The following MYO18B variants were observed in gnomAD, a reference collection of about 807,000 sequenced individuals.
MYO18B encodes myosin XVIIIB.
A neutral mutation model predicts 273.0 loss-of-function variants in MYO18B; 204 were observed. The ratio of observed to expected loss-of-function variants is 0.75; its 90% CI spans 0.67 to 0.84. The LOEUF (loss-of-function observed/expected upper bound fraction) is 0.84, where lower values mean the gene tolerates loss of function less well. Among genes scored for constraint, MYO18B ranks in the 40% least tolerant of loss-of-function variants. The pLI, the probability that MYO18B is intolerant of heterozygous loss-of-function variation, is 0.00. For synonymous variants in MYO18B, 1,330 were observed against 1,305.7 expected, an observed-to-expected ratio of 1.02 and a Z score of -0.40; for missense variants, 3,212 against 3,287.6, an observed-to-expected ratio of 0.98 and a Z score of 0.56.
chr22:25,864,606 G>A (rs1601396572), intron 21 of MYO18B, among the ~76,000 whole-genome samples: 1 of 152,080 alleles, frequency 6.6e-6, no homozygotes, highest in African/African-American at 2.4e-5. Context: ...TGATTCCTTG[G>A]GTTCAAACCC....
In MYO18B at chr22:25,843,953, C is replaced by T. The variant is rs371708441; in HGVS notation, c.3368+59C>T. Reference sequence around the variant, plus strand: ...GCATTGGAGGCACTGTGTTTTCCTTCCCACCTAAACTAGGCAGTCACTACA... The same window carrying T: ...GCATTGGAGGCACTGTGTTTTCCTTTCCACCTAAACTAGGCAGTCACTACA... On this transcript the variant is annotated intron_variant, in intron 18 of 43. Transcript: ENST00000335473. 96 of 1,504,420 alleles carry T rather than the reference C, an allele frequency of 6.4e-5. 1 individual carries two copies. The East Asian group carries it at 9.7e-4, about 15-fold the overall frequency. The allele number at this position is 1,504,420 out of a possible 1,614,324, so 93.2% of individuals were successfully genotyped here.
chr22:25,941,187 G>A (rs1432653401), intron 34 of MYO18B, among the ~76,000 whole-genome samples: 1 of 152,132 alleles, frequency 6.6e-6, no homozygotes, highest in African/African-American at 2.4e-5. Context: ...AGGGTCTATT[G>A]GGATCCAGCC....
chr22:25,934,516 G>C lies in MYO18B; in HGVS notation c.5518-11621G>C, dbSNP rs553364766. ...AGAAAGTTTATTTCTCCAAGGTTGA[G>C]GACGTGCGCCTGTGACAGCCTCAGG... On this transcript the variant is annotated intron_variant, in intron 34 of 43. Coordinates refer to ENST00000335473, the MANE Select transcript of MYO18B (RefSeq NM_032608.7). Among the ~76,000 whole-genome samples, 5 of 152,206 alleles carry C rather than the reference G, an allele frequency of 3.3e-5. No homozygotes were observed. The South Asian group carries it at 1.0e-3, about 32-fold the overall frequency.
intron 34 of MYO18B, among the ~76,000 whole-genome samples, chr22:25,937,138 G>C (rs1408509480): frequency 1.3e-5 from 2 of 151,688 alleles, no homozygotes; most frequent in African/African-American, 4.8e-5. Flanking sequence ...GGAGTGCAGT[G>C]AGTGGCGTGA....
intron 39 of MYO18B, among the ~76,000 whole-genome samples, chr22:25,971,191 T>C (rs2093033190): frequency 6.6e-6 from 1 of 152,226 alleles, no homozygotes; most frequent in Non-Finnish European, 1.5e-5. Context: ...AAAACTTTAT[T>C]TAGAAAAACA....
At chr22:25,909,310 A>C (rs1373665315) in intron 32 of MYO18B, among the ~76,000 whole-genome samples, 1 of 152,234 alleles carries the variant, frequency 6.6e-6, no homozygotes, top group Admixed American at 6.5e-5. Context: ...ACCTATGTAC[A>C]GAATACACTC....
intron 9 of MYO18B, 114 bp downstream of exon 9, chr22:25,780,312 T>A (rs1023782293): frequency 7.7e-7 from 1 of 1,299,714 alleles, no homozygotes; most frequent in Non-Finnish European, 1.0e-6. Flanking sequence ...TCTGAAATGG[T>A]CATGGCGGTG....
At chr22:25,809,525 C>T (rs565674238) in intron 12 of MYO18B, among the ~76,000 whole-genome samples, 105 of 152,224 alleles carry the variant, frequency 6.9e-4, no homozygotes, top group African/African-American at 2.1e-3. Context: ...ACTTAATATA[C>T]GACGCAGTCA....
chr22:25,920,191 A>AG (rs2092321224), intron 33 of MYO18B, among the ~76,000 whole-genome samples: 1 of 151,972 alleles, frequency 6.6e-6, no homozygotes, highest in South Asian at 2.1e-4. Flanking sequence ...GTGTGTAAAA[A>AG]CCACATCCCA....
At chr22:25,921,814 TAG>T (rs1491466276) in intron 34 of MYO18B, among the ~76,000 whole-genome samples, 1 of 78,636 alleles carries the variant, frequency 1.3e-5, no homozygotes, top group Non-Finnish European at 2.4e-5. Context: ...CAAATAGCAA[TAG>T]TGTGTGTGTG....
intron 11 of MYO18B, among the ~76,000 whole-genome samples, chr22:25,792,397 C>T (rs2087703465): frequency 6.6e-6 from 1 of 151,572 alleles, no homozygotes; most frequent in Non-Finnish European, 1.5e-5. Context: ...TAGGGCAGCT[C>T]CTGGCTGTGG....
At chr22:25,865,669 G>A (rs2090864500) in intron 21 of MYO18B, among the ~76,000 whole-genome samples, 2 of 152,122 alleles carry the variant, frequency 1.3e-5, no homozygotes, top group African/African-American at 4.8e-5. Context: ...CTTCCCCAAG[G>A]CCACACAGTT....
intron 12 of MYO18B, among the ~76,000 whole-genome samples, chr22:25,811,144 G>T (rs2088735921): frequency 6.6e-6 from 1 of 151,498 alleles, no homozygotes; most frequent in Non-Finnish European, 1.5e-5. Context: ...CTCCCGAGTG[G>T]CTGGGATTAC....
intron 42 of MYO18B, among the ~76,000 whole-genome samples, chr22:26,019,774 G>A (rs969366560): frequency 6.6e-6 from 1 of 152,238 alleles, no homozygotes; most frequent in Non-Finnish European, 1.5e-5. Context: ...GATGATTCAC[G>A]GTGTCATTAA....
the MYO18B span, among the ~76,000 whole-genome samples, chr22:26,042,243 T>C: frequency 3.2e-4 from 48 of 152,338 alleles, no homozygotes; most frequent in African/African-American, 1.1e-3. Flanking sequence ...CTGAGTGTTC[T>C]CATTTGTGAA....
chr22:25,806,812 C>G (rs1601753056), intron 12 of MYO18B, among the ~76,000 whole-genome samples: 3 of 152,236 alleles, frequency 2.0e-5, no homozygotes, highest in Admixed American at 2.0e-4. Flanking sequence ...AGCTGGCTTC[C>G]CAGAACTGGA....
chr22:25,903,911 G>A, intron 31 of MYO18B, 80 bp downstream of exon 31: 2 of 1,436,560 alleles, frequency 1.4e-6, no homozygotes, highest in East Asian at 2.5e-5. Flanking sequence ...CAATGTGGGT[G>A]CCTCACTTGG....
chr22:25,770,134 G>A lies in MYO18B; in HGVS notation c.1537G>A (p.Ala513Thr). 1.2e-6 allele frequency: 2 copies of A among 1,613,908 alleles called. No homozygotes were observed. The highest frequency in any genetic ancestry group is 1.7e-5 in the Admixed American group (1 of 60,004). ...GGCTCCTGAGGACAGATGGTATGAG[G>A]CAGAGAAAGTCTGGCTGGCTCAGAA... ...DQAPEDRWYE[A>T]EKVWLAQKDG... The change falls in exon 5 of 44, where the codon GCA becomes ACA. Residue 513 changes from alanine (A) to threonine (T), a missense_variant. Physicochemically the swap from Ala to Thr is moderately conservative, Grantham distance 58. Transcript: ENST00000335473.
Position 25,952,215 on chromosome 22 carries a change from G to T in MYO18B, c.5833-71G>T, listed in dbSNP as rs1601670043. The T allele has an allele frequency of 3.9e-6, 6 of 1,543,678 alleles. No homozygotes were observed. The East Asian group carries it at 1.2e-4, about 30-fold the overall frequency. ...ATAGCTCCTCCCACCCTCCCAGGCT[G>T]GGTCCTGCACATGTCTCTGTCCTGG... is the stretch of plus-strand genomic sequence containing the variant. On this transcript the variant is annotated intron_variant, in intron 37 of 43. Coordinates refer to ENST00000335473, the MANE Select transcript of MYO18B (RefSeq NM_032608.7).
Sources: allele counts gnomAD v4.1 joint callset (sites outside exome capture counted in the v4.1 genomes callset), GRCh38; gene constraint gnomAD v4.1.1; transcripts MANE v1.5; gene names NCBI Gene and HGNC (gene_info 2026-07-23, HGNC 2026-07-21).